Variants in AKAP6 observed in about 807,000 individuals in gnomAD.
The protein encoded by AKAP6 is A-kinase anchoring protein 6.
Under a neutral mutation model 188.5 loss-of-function variants are expected in AKAP6, and 58 were observed. That is an observed-to-expected ratio of 0.31 (90% CI 0.25 to 0.38). The LOEUF is 0.38. AKAP6 is among the 10% of genes least tolerant of loss of function. The pLI, the probability that AKAP6 is intolerant of heterozygous loss-of-function variation, is 1.00. For missense variants in AKAP6, 2,710 were observed against 2,740.0 expected (o/e 0.99, Z 0.24); for synonymous variants, 989 against 998.6 (o/e 0.99, Z 0.18).
rs1491440065 is a variant in AKAP6, at chr14:32,361,055, TAC to T, written c.-35+31649_-35+31650del. 2.0e-4 allele frequency among the ~76,000 whole-genome samples: 24 copies of T among 122,650 alleles called. 1 individual carries two copies. The East Asian group carries it at 2.1e-3, about 11-fold the overall frequency. 80.5% of individuals were successfully genotyped at this position (122,650 alleles called of 152,430 possible). The stretch of plus-strand genomic sequence containing the variant: ...TGAGCCACTGCACAAGGCCTGAACA[TAC>T]ATATATATATATATTTGAGAAGCTT... On this transcript the variant is annotated intron_variant, in intron 1 of 13. Coordinates refer to ENST00000280979, the MANE Select transcript of AKAP6 (RefSeq NM_004274.5).
chr14:32,772,097 A>T (rs890906349), intron 11 of AKAP6, among the ~76,000 whole-genome samples: 2 of 151,986 alleles, frequency 1.3e-5, no homozygotes, highest in Admixed American at 1.3e-4. Flanking sequence ...ACAGAGAGGG[A>T]GAGAGAGAAA....
At chr14:32,354,411 T>G (rs1033175559) in intron 1 of AKAP6, among the ~76,000 whole-genome samples, 11 of 143,490 alleles carry the variant, frequency 7.7e-5, no homozygotes, top group African/African-American at 3.0e-4. Flanking sequence ...TTCTGTGAAA[T>G]GGGGATAATT....
intron 7 of AKAP6, among the ~76,000 whole-genome samples, chr14:32,655,097 G>T (rs1382923407): frequency 6.6e-6 from 1 of 152,138 alleles, no homozygotes; most frequent in Non-Finnish European, 1.5e-5. Flanking sequence ...ATTGATTAAT[G>T]AAGTAAAAAT....
rs377730528 is a variant in AKAP6, at chr14:32,391,373, A to G, written c.-34-42087A>G. Among the ~76,000 whole-genome samples, 8 of 152,270 alleles carry G rather than the reference A, an allele frequency of 5.3e-5. No individual in the cohort carries two copies. In the South Asian group the frequency reaches 1.7e-3, roughly 32 times the overall value. ...TCCCAGGCTTTTATTACCAACTGGGAAATCTTGCAGTGTCTTCAACAGCAG... is the reference window on the plus strand; with the variant it reads ...TCCCAGGCTTTTATTACCAACTGGGGAATCTTGCAGTGTCTTCAACAGCAG... On this transcript the variant is annotated intron_variant, in intron 1 of 13. Transcript: ENST00000280979.
rs148286051 is a variant in AKAP6, at chr14:32,331,931, C to T, written c.-35+2523C>T. ...AGTTACAAAGAAGTTAATTCTTTGC[C>T]GATAACTAGGCCGCATAGGGATGAT... On this transcript the variant is annotated intron_variant, in intron 1 of 13. Transcript: ENST00000280979. 4.2e-3 allele frequency among the ~76,000 whole-genome samples: 644 copies of T among 152,072 alleles called. 5 individuals are homozygous for T. Among genetic ancestry groups the T allele is most frequent in the African/African-American group, 0.015 (602 of 41,486 alleles).
rs530440318 is a variant in AKAP6 at position 32,455,338 on chromosome 14, C to CT, written c.324+21526dup. 3.3e-3 allele frequency among the ~76,000 whole-genome samples: 508 copies of CT among 152,136 alleles called. 3 individuals are homozygous for CT. Among genetic ancestry groups the CT allele is most frequent in the African/African-American group, 0.012 (493 of 41,496 alleles). ...ATATTTAGGTCTTTAAAGAGTTTTG[C>CT]TTTTTAAATTTCAGATTTCTCTTTT... is the stretch of plus-strand genomic sequence containing the variant. On this transcript the variant is annotated intron_variant, in intron 2 of 13. Transcript: ENST00000280979.
At chr14:32,707,341 T>C (rs1298765391) in intron 9 of AKAP6, among the ~76,000 whole-genome samples, 3 of 152,088 alleles carry the variant, frequency 2.0e-5, no homozygotes. Context: ...CACATTTCCA[T>C]GTTACAAATC....
intron 1 of AKAP6, among the ~76,000 whole-genome samples, chr14:32,335,887 C>G (rs1307829841): frequency 2.9e-5 from 4 of 138,982 alleles, no homozygotes; most frequent in Non-Finnish European, 6.1e-5. Flanking sequence ...TCCAGGAGGC[C>G]AGAGGGCCTA....
intron 5 of AKAP6, among the ~76,000 whole-genome samples, chr14:32,584,558 C>T (rs1039948323): frequency 2.6e-5 from 4 of 152,104 alleles, no homozygotes; most frequent in African/African-American, 9.7e-5. Flanking sequence ...ACCCATGAAA[C>T]AATCACTGCA....
intron 7 of AKAP6, among the ~76,000 whole-genome samples, chr14:32,621,143 G>A (rs1407064370): frequency 6.6e-6 from 1 of 151,754 alleles, no homozygotes; most frequent in Non-Finnish European, 1.5e-5. Context: ...CATTTCATTG[G>A]TGTTTTGTGT....
chr14:32,355,028 G>T (rs576869482), intron 1 of AKAP6, among the ~76,000 whole-genome samples: 1 of 152,250 alleles, frequency 6.6e-6, no homozygotes, highest in South Asian at 2.1e-4. Context: ...TTTCCTGCTT[G>T]CTACCCTAGT....
intron 11 of AKAP6, among the ~76,000 whole-genome samples, chr14:32,766,781 C>G (rs1324954076): frequency 6.6e-6 from 1 of 152,042 alleles, no homozygotes; most frequent in Non-Finnish European, 1.5e-5. Flanking sequence ...TTTGATGAAG[C>G]CCAAAAGTTG....
intron 1 of AKAP6, among the ~76,000 whole-genome samples, chr14:32,394,138 G>A (rs1260215059): frequency 2.0e-5 from 3 of 152,134 alleles, no homozygotes; most frequent in Non-Finnish European, 4.4e-5. Context: ...TCATTAAAGT[G>A]AGATCTGAGT....
In AKAP6 at chr14:32,822,105, C is replaced by T. The variant is rs139501222; in HGVS notation, c.4292C>T (p.Ser1431Leu). The T allele has an allele frequency of 1.4e-5, 22 of 1,613,902 alleles. No individual in the cohort carries two copies. In the African/African-American group the frequency reaches 2.1e-4, roughly 16 times the overall value. Residue 1431 changes from serine to leucine, a missense_variant, in exon 13 of 14, where the codon TCA becomes TTA. Ser to Leu is a moderately radical substitution (Grantham distance 145, BLOSUM62 -2). Coordinates refer to ENST00000280979, the MANE Select transcript of AKAP6 (RefSeq NM_004274.5). ...CCAAATAGCTCTCAGTCGTCCATTTCACCAGTGGGTTGTGTAAATGGAAAA... is the reference window on the plus strand; with the variant it reads ...CCAAATAGCTCTCAGTCGTCCATTTTACCAGTGGGTTGTGTAAATGGAAAA... ...KLPNSSQSSI[S>L]PVGCVNGKVG...
intron 7 of AKAP6, among the ~76,000 whole-genome samples, chr14:32,641,157 A>G (rs1887737728): frequency 6.6e-6 from 1 of 152,096 alleles, no homozygotes; most frequent in African/African-American, 2.4e-5. Flanking sequence ...AAACATGCCC[A>G]TTCTCCATCT....
chr14:32,759,223 T>A (rs1251226350), intron 11 of AKAP6, among the ~76,000 whole-genome samples: 1 of 152,218 alleles, frequency 6.6e-6, no homozygotes, highest in Admixed American at 6.5e-5. Flanking sequence ...TTTTTCTTTC[T>A]TTTTTGAAAT....
chr14:32,784,219 T>A (rs1005058942), intron 12 of AKAP6, among the ~76,000 whole-genome samples: 2 of 152,196 alleles, frequency 1.3e-5, no homozygotes, highest in African/African-American at 4.8e-5. Flanking sequence ...CCACTGATAG[T>A]TCACTGACAC....
chr14:32,502,608 C>G (rs1318960659), intron 2 of AKAP6, among the ~76,000 whole-genome samples: 3 of 151,756 alleles, frequency 2.0e-5, no homozygotes, highest in African/African-American at 7.3e-5. Flanking sequence ...TTTGTAGGTA[C>G]TCATTCTTCT....
At position 32,824,172 on chromosome 14, in the gene AKAP6, G is replaced by A. The variant is rs1310407307; in HGVS notation, c.6359G>A (p.Ser2120Asn). The A allele has an allele frequency of 1.2e-6, 2 of 1,613,978 alleles. No homozygotes were observed. Among genetic ancestry groups the A allele is most frequent in the Admixed American group, 1.7e-5 (1 of 59,954 alleles). ...YSYLSLSSHD[S>N]DCGEVTNYIE... is the part of the protein sequence containing the mutation. ...TACTTATCTCTCTCATCTCATGACA[G>A]TGATTGTGGGGAGGTCACCAATTAC... The change falls in exon 13 of 14, where the codon AGT becomes AAT. Residue 2120 changes from serine (S) to asparagine (N), a missense_variant. By Grantham distance (46) the Ser-to-Asn change is conservative. Around this residue, in one of 2 missense-constraint regions of AKAP6, gnomAD observed 2,473 missense variants for 2,426.1 expected, o/e 1.02. Coordinates refer to ENST00000280979, the MANE Select transcript of AKAP6 (RefSeq NM_004274.5).
Sources: allele counts gnomAD v4.1 joint callset (sites outside exome capture counted in the v4.1 genomes callset), GRCh38; gene constraint gnomAD v4.1.1; regional missense constraint gnomAD v4.1.1; transcripts MANE v1.5; gene names NCBI Gene and HGNC (gene_info 2026-07-23, HGNC 2026-07-21).